CDH13: variants seen among roughly 807,000 people sequenced by gnomAD.
CDH13 encodes cadherin-13.
In CDH13, 24 loss-of-function variants were observed where a neutral mutation model predicts 63.8. That is an observed-to-expected ratio of 0.38 (90% confidence interval 0.27 to 0.53). CDH13 has a LOEUF of 0.53. CDH13 is among the 20% of genes least tolerant of loss of function. CDH13 has a pLI of 0.85. For synonymous variants in CDH13, 503 were observed against 355.3 expected (o/e 1.42, Z -4.67); for missense variants, 1,049 against 903.1 (o/e 1.16, Z -2.07).
chr16:82,673,736 G>T (rs1254621558), intron 1 of CDH13, among the ~76,000 whole-genome samples: 1 of 152,202 alleles, frequency 6.6e-6, no homozygotes, highest in African/African-American at 2.4e-5. Context: ...GAGGCAGAGT[G>T]TTCACATTAG....
intron 7 of CDH13, among the ~76,000 whole-genome samples, chr16:83,589,613 A>T (rs1024310029): frequency 4.6e-5 from 7 of 152,062 alleles, no homozygotes; most frequent in Admixed American, 3.9e-4. Context: ...GCCATAGAAG[A>T]TACGAGAGCT....
chr16:83,451,000 A>G (rs967992646), intron 6 of CDH13, among the ~76,000 whole-genome samples: 6 of 152,140 alleles, frequency 3.9e-5, no homozygotes, highest in Middle Eastern at 3.2e-3. Context: ...AGAGTTACCA[A>G]TTCCATAGGT....
intron 7 of CDH13, among the ~76,000 whole-genome samples, chr16:83,580,448 T>TTC (rs55664829): frequency 0.018 from 1,349 of 76,198 alleles, 97 homozygotes; most frequent in East Asian, 0.032. Context: ...TTCTGTTCAT[T>TTC]TCTCTCTCTC....
intron 6 of CDH13, among the ~76,000 whole-genome samples, chr16:83,477,241 G>A (rs953479258): frequency 6.6e-6 from 1 of 152,216 alleles, no homozygotes; most frequent in Non-Finnish European, 1.5e-5. Context: ...GATGGAGACA[G>A]TCATTGCTCA....
chr16:83,022,955 C>T (rs1167856622), intron 2 of CDH13: 1 of 152,210 alleles, frequency 6.6e-6, no homozygotes, highest in Non-Finnish European at 1.5e-5. Flanking sequence ...AATCCATCTG[C>T]ATTTCATTTT....
chr16:83,405,535 C>G (rs1311663294), intron 6 of CDH13, among the ~76,000 whole-genome samples: 21 of 152,184 alleles, frequency 1.4e-4, no homozygotes, highest in Non-Finnish European at 1.5e-5. Flanking sequence ...GTAAGGGAAC[C>G]TCATGTCACT....
At chr16:83,457,484 T>A (rs959638212) in intron 6 of CDH13, among the ~76,000 whole-genome samples, 1 of 152,112 alleles carries the variant, frequency 6.6e-6, no homozygotes, top group Non-Finnish European at 1.5e-5. Context: ...CAATTAAGGA[T>A]TGTGTGTGTC....
intron 6 of CDH13, among the ~76,000 whole-genome samples, chr16:83,416,491 T>G (rs1393871145): frequency 6.6e-6 from 1 of 152,214 alleles, no homozygotes; most frequent in South Asian, 2.1e-4. Flanking sequence ...CTTGTGCCTC[T>G]CATGTTTAAG....
intron 4 of CDH13, among the ~76,000 whole-genome samples, chr16:83,181,997 A>G (rs1280140931): frequency 6.6e-6 from 1 of 152,142 alleles, no homozygotes; most frequent in Admixed American, 6.5e-5. Context: ...TTCCCCTCCA[A>G]GCGTGCTCTA....
At chr16:83,649,726 C>T (rs1464920670) in intron 8 of CDH13, among the ~76,000 whole-genome samples, 5 of 152,076 alleles carry the variant, frequency 3.3e-5, no homozygotes, top group Non-Finnish European at 5.9e-5. Flanking sequence ...ATGCTGAACA[C>T]GGAGGGCACC....
intron 3 of CDH13, among the ~76,000 whole-genome samples, chr16:83,037,899 C>G (rs1398980097): frequency 6.6e-6 from 1 of 152,066 alleles, no homozygotes; most frequent in African/African-American, 2.4e-5. Flanking sequence ...GGGCATAGCA[C>G]CAGACATCAA....
intron 2 of CDH13, among the ~76,000 whole-genome samples, chr16:83,016,502 C>T (rs1011649543): frequency 6.6e-6 from 1 of 152,136 alleles, no homozygotes; most frequent in East Asian, 1.9e-4. Context: ...TCCAGATTAC[C>T]AAAGGGCAGG....
intron 5 of CDH13, among the ~76,000 whole-genome samples, chr16:83,322,569 TG>T (rs151143746): frequency 2.0e-5 from 3 of 151,944 alleles, no homozygotes; most frequent in East Asian, 1.9e-4. Flanking sequence ...GAGGTTCTTA[TG>T]GGGGGGTGCA....
rs561566691 is a variant in CDH13, at chr16:83,549,728, C to T, written c.961-52726C>T. On this transcript the variant is annotated intron_variant, in intron 7 of 13. Transcript: ENST00000567109. ...ATGAAAACGCTACCGCATTGAATTT[C>T]CAATAAGAGAAAGGCAAAGCAAAAC... Among the ~76,000 whole-genome samples the T allele has an allele frequency of 5.9e-5, 9 of 151,922 alleles. No homozygotes were observed. In the East Asian group the frequency reaches 1.7e-3, roughly 29 times the overall value.
intron 5 of CDH13, among the ~76,000 whole-genome samples, chr16:83,242,479 G>A (rs990328158): frequency 3.3e-5 from 5 of 152,132 alleles, no homozygotes; most frequent in Non-Finnish European, 2.9e-5. Flanking sequence ...TATAAACATA[G>A]GCCAAGTTTT....
At chr16:83,103,100 G>A (rs2034579526) in intron 3 of CDH13, among the ~76,000 whole-genome samples, 1 of 151,204 alleles carries the variant, frequency 6.6e-6, no homozygotes, top group South Asian at 2.1e-4. Flanking sequence ...TTACAGGAGT[G>A]TGCCACCACG....
At chr16:83,375,271 A>C (rs2091439699) in intron 6 of CDH13, among the ~76,000 whole-genome samples, 1 of 152,234 alleles carries the variant, frequency 6.6e-6, no homozygotes, top group African/African-American at 2.4e-5. Context: ...TTAAGGAACA[A>C]ATTGATTTTT....
At chr16:83,404,182 C>A (rs150198976) in intron 6 of CDH13, among the ~76,000 whole-genome samples, 2 of 152,170 alleles carry the variant, frequency 1.3e-5, no homozygotes, top group African/African-American at 4.8e-5. Context: ...ATGAGATAAT[C>A]CTTTGTTGGG....
intron 6 of CDH13, among the ~76,000 whole-genome samples, chr16:83,385,921 A>T (rs975617643): frequency 6.6e-6 from 1 of 152,226 alleles, no homozygotes; most frequent in African/African-American, 2.4e-5. Context: ...TTGGGTGGTT[A>T]TCACAATGTA....
Sources: gnomAD v4.1 joint callset for allele counts (sites outside exome capture counted in the v4.1 genomes callset) on GRCh38, gnomAD v4.1.1 for gene constraint, MANE v1.5 for transcripts, NCBI Gene and HGNC (gene_info 2026-07-23, HGNC 2026-07-21) for gene names.